COL4A6: variants seen among roughly 807,000 people sequenced by gnomAD.
The protein encoded by COL4A6 is collagen alpha-6(IV) chain.
A neutral mutation model predicts 126.7 loss-of-function variants in COL4A6; 59 were observed. The observed-to-expected ratio is 0.47, with a 90% CI of 0.38 to 0.58. The LOEUF is 0.58. COL4A6 is among the 20% of genes least tolerant of loss of function. The probability of loss-of-function intolerance (pLI) is 0.00; values close to 1 mark genes in which losing one functional copy is unlikely to be tolerated. For synonymous variants in COL4A6, 547 were observed against 496.6 expected (o/e 1.10, Z -1.35); for missense variants, 1,285 against 1,337.3 (o/e 0.96, Z 0.61).
intron 44 of COL4A6, 43 bp downstream of exon 44, chrX:108,159,419 C>A: frequency 8.4e-7 from 1 of 1,197,039 alleles, no homozygotes; most frequent in Non-Finnish European, 1.1e-6. Flanking sequence ...GTCCAAGGGG[C>A]CCTTTGCCTC....
At chrX:108,318,410 A>G (rs2038939329) in intron 2 of COL4A6, among the ~76,000 whole-genome samples, 4 of 111,360 alleles carry the variant, frequency 3.6e-5, no homozygotes, top group African/African-American at 1.3e-4. Flanking sequence ...ATGGTATTCA[A>G]TTAGGAAAAG....
At chrX:108,181,179 A>C (rs184179300) in intron 23 of COL4A6, among the ~76,000 whole-genome samples, 1 of 112,480 alleles carries the variant, frequency 8.9e-6, no homozygotes, top group Admixed American at 9.4e-5. Flanking sequence ...CCTAGTGTCC[A>C]AGTGCTAGGA....
chrX:108,399,116 A>G (rs2041031784), intron 2 of COL4A6, among the ~76,000 whole-genome samples: 1 of 111,492 alleles, frequency 9.0e-6, no homozygotes, highest in Non-Finnish European at 1.9e-5. Flanking sequence ...AGTAGGTAGT[A>G]TGAAATAAAG....
chrX:108,239,369 A>G (rs1177597776), intron 3 of COL4A6, among the ~76,000 whole-genome samples: 1 of 112,249 alleles, frequency 8.9e-6, no homozygotes, highest in African/African-American at 3.2e-5. Flanking sequence ...TATGTGATAT[A>G]GGGTAGCAAT....
intron 20 of COL4A6, among the ~76,000 whole-genome samples, chrX:108,189,297 G>T (rs2034963466): frequency 8.9e-6 from 1 of 112,211 alleles, no homozygotes; most frequent in Non-Finnish European, 1.9e-5. Flanking sequence ...AGTGTTTCTT[G>T]AGTGTGATCC....
At chrX:108,418,154 A>T (rs1375854355) in intron 2 of COL4A6, among the ~76,000 whole-genome samples, 1 of 111,973 alleles carries the variant, frequency 8.9e-6, no homozygotes, top group Non-Finnish European at 1.9e-5. Context: ...GACATAACGA[A>T]TAGGTGTTAA....
At chrX:108,433,397 T>C (rs1384402222) in intron 2 of COL4A6, among the ~76,000 whole-genome samples, 1 of 111,913 alleles carries the variant, frequency 8.9e-6, no homozygotes. Context: ...ACTTGATAGT[T>C]TAATATAGCC....
chrX:108,200,241 T>A (rs963744868), intron 13 of COL4A6, among the ~76,000 whole-genome samples: 5 of 112,786 alleles, frequency 4.4e-5, no homozygotes, highest in African/African-American at 1.6e-4. Context: ...TTAAATGATA[T>A]ATTTTACTTA....
intron 33 of COL4A6, 34 bp from the exon 34 acceptor site, chrX:108,170,951 C>T (rs2034282319): frequency 2.7e-6 from 3 of 1,112,676 alleles, no homozygotes; most frequent in East Asian, 6.0e-5. Flanking sequence ...AGTGATTAGG[C>T]CATATTTCTA....
chrX:108,243,129 A>G (rs2036619711), intron 3 of COL4A6, among the ~76,000 whole-genome samples: 3 of 111,847 alleles, frequency 2.7e-5, no homozygotes, highest in African/African-American at 9.8e-5. Context: ...GATGCTGCTG[A>G]AGCGACTTCA....
At chrX:108,187,704 A>T (rs779980441) in intron 22 of COL4A6, 144 bp downstream of exon 22, 1 of 515,954 alleles carries the variant, frequency 1.9e-6, no homozygotes, top group South Asian at 6.0e-5. Flanking sequence ...AAAAGCAAAA[A>T]GCAAAAAGTT....
rs1569345684 is a variant in COL4A6, at chrX:108,195,101, T to C, written c.929A>G (p.Gln310Arg). 1 of 1,206,845 alleles carries C rather than the reference T, an allele frequency of 8.3e-7. No individual in the cohort carries two copies. Among genetic ancestry groups the C allele is most frequent in the South Asian group, 1.8e-5 (1 of 56,114 alleles). ...PRGPMGSEGV[Q>R]GPPGQQGKKG... ...AAATACCTGTTGCCCTGGAGGGCCT[T>C]GGACTCCTTCTGAACCCATGGGACC... is the stretch of plus-strand genomic sequence containing the variant. Residue 310 changes from glutamine to arginine, a missense_variant, in exon 15 of 45, where the codon CAA (glutamine) becomes CGA (arginine). By Grantham distance (43) the Gln-to-Arg change is conservative. Transcript: ENST00000334504.
In COL4A6 at chrX:108,202,964, C is replaced by T. The variant is rs2148196870; in HGVS notation, c.798G>A (p.Lys266=). 2 of 1,210,482 alleles carry T rather than the reference C, an allele frequency of 1.7e-6. No homozygotes were observed. Among genetic ancestry groups the T allele is most frequent in the Non-Finnish European group, 2.2e-6 (2 of 894,629 alleles). Residue 266 remains lysine (K), a synonymous_variant, in exon 13 of 45, where the codon AAG becomes AAA. Coordinates refer to ENST00000334504, the MANE Select transcript of COL4A6 (RefSeq NM_033641.4). ...KKGSKGEPGP[K]GFPGISGPPG... ...GAGGGCCACTTATGCCTGGAAAACCCTTAGGCCCTGGTTCACCCTGGAAAA... is the reference window on the plus strand; with the variant it reads ...GAGGGCCACTTATGCCTGGAAAACCTTTAGGCCCTGGTTCACCCTGGAAAA...
intron 29 of COL4A6, 38 bp downstream of exon 29, chrX:108,175,616 C>T (rs1174446355): frequency 8.6e-7 from 1 of 1,166,683 alleles, no homozygotes; most frequent in Non-Finnish European, 1.1e-6. Context: ...TATTGAAAAG[C>T]ATGGGCAGCA....
intron 6 of COL4A6, among the ~76,000 whole-genome samples, chrX:108,212,381 A>C (rs1373319074): frequency 3.6e-5 from 4 of 111,477 alleles, no homozygotes; most frequent in African/African-American, 1.3e-4. Context: ...GGTGTATCTC[A>C]CTGCTAACAT....
intron 27 of COL4A6, among the ~76,000 whole-genome samples, chrX:108,178,135 T>G (rs1018739510): frequency 3.6e-5 from 4 of 112,329 alleles, no homozygotes; most frequent in African/African-American, 1.3e-4. Context: ...AATGGTGCAG[T>G]CACCGAAGCA....
chrX:108,436,635 T>C (rs1167150212), intron 2 of COL4A6, among the ~76,000 whole-genome samples: 4 of 112,443 alleles, frequency 3.6e-5, no homozygotes, highest in African/African-American at 1.3e-4. Context: ...AACTTGTATA[T>C]TGAAGGAATA....
intron 2 of COL4A6, among the ~76,000 whole-genome samples, chrX:108,325,740 A>G (rs1383936680): frequency 9.0e-6 from 1 of 110,642 alleles, no homozygotes; most frequent in African/African-American, 3.3e-5. Flanking sequence ...AGTTTATTCC[A>G]GGAATGGTAG....
At chrX:108,160,912 A>C (rs1489030189) in intron 42 of COL4A6, among the ~76,000 whole-genome samples, 2 of 112,213 alleles carry the variant, frequency 1.8e-5, no homozygotes, top group African/African-American at 6.5e-5. Context: ...CATTTTTCAA[A>C]GTACATTGTT....
Sources: gnomAD v4.1 joint callset for allele counts (sites outside exome capture counted in the v4.1 genomes callset) on GRCh38, gnomAD v4.1.1 for gene constraint, MANE v1.5 for transcripts, NCBI Gene and HGNC (gene_info 2026-07-23, HGNC 2026-07-21) for gene names.